The following PCSK5 variants were observed in gnomAD, a reference collection of about 807,000 sequenced individuals.
PCSK5 encodes proprotein convertase subtilisin/kexin type 5.
PCSK5 carries 129 observed loss-of-function variants against 233.2 expected under a neutral mutation model. The ratio of observed to expected loss-of-function variants is 0.55; its 90% CI spans 0.48 to 0.64. The LOEUF (loss-of-function observed/expected upper bound fraction) is 0.64. Among genes scored for constraint, PCSK5 ranks in the 30% least tolerant of loss-of-function variants. PCSK5 has a pLI of 0.00. For missense variants in PCSK5, 2,076 were observed against 2,430.1 expected, an observed-to-expected ratio of 0.85 and a Z score of 3.06; for synonymous variants, 825 against 879.2, an observed-to-expected ratio of 0.94 and a Z score of 1.09.
chr9:76,257,321 T>A (rs1358809221), intron 24 of PCSK5, among the ~76,000 whole-genome samples: 3 of 152,128 alleles, frequency 2.0e-5, no homozygotes. Flanking sequence ...TTGATTTAAG[T>A]CACAGAGCAG....
At chr9:76,079,075 T>A (rs1283333155) in intron 7 of PCSK5, among the ~76,000 whole-genome samples, 1 of 151,940 alleles carries the variant, frequency 6.6e-6, no homozygotes, top group East Asian at 1.9e-4. Context: ...ATTTATTATG[T>A]GTGTGTGGCT....
Position 76,013,719 on chromosome 9 carries a change from T to C in PCSK5, c.412-10019T>C, listed in dbSNP as rs1198715903. On this transcript the variant is annotated intron_variant, in intron 3 of 37. Coordinates refer to ENST00000674117, the MANE Select transcript of PCSK5 (RefSeq NM_001372043.1). ...AAGATATTGTATCAATATAACCTTGTGCTGCTTGATTTGTTCAACTGAAAA... is the reference window on the plus strand; with the variant it reads ...AAGATATTGTATCAATATAACCTTGCGCTGCTTGATTTGTTCAACTGAAAA... 2.0e-5 allele frequency among the ~76,000 whole-genome samples: 3 copies of C among 152,212 alleles called. No individual in the cohort carries two copies. In the East Asian group the frequency reaches 5.8e-4, roughly 29 times the overall value.
At chr9:76,310,313 G>A (rs1165619321) in intron 29 of PCSK5, among the ~76,000 whole-genome samples, 1 of 151,888 alleles carries the variant, frequency 6.6e-6, no homozygotes, top group Non-Finnish European at 1.5e-5. Flanking sequence ...GGGAAGCAGA[G>A]TATTAATAGA....
intron 5 of PCSK5, among the ~76,000 whole-genome samples, chr9:76,034,913 T>C (rs937970526): frequency 1.3e-5 from 2 of 152,170 alleles, no homozygotes; most frequent in Non-Finnish European, 1.5e-5. Flanking sequence ...GAATTGAAGT[T>C]GCTGACCGAT....
chr9:75,894,385 TA>T (rs900928318), intron 1 of PCSK5, among the ~76,000 whole-genome samples: 5 of 151,718 alleles, frequency 3.3e-5, no homozygotes, highest in African/African-American at 1.2e-4. Context: ...CCTCTTCTGT[TA>T]AAAAAAAGAT....
At chr9:76,356,938 C>T (rs1420672682) in intron 37 of PCSK5, among the ~76,000 whole-genome samples, 1 of 152,132 alleles carries the variant, frequency 6.6e-6, no homozygotes, top group Non-Finnish European at 1.5e-5. Context: ...TTATGAAAAA[C>T]CTACCGTGTA....
At chr9:76,261,620 G>C (rs1279028939) in intron 24 of PCSK5, among the ~76,000 whole-genome samples, 1 of 152,164 alleles carries the variant, frequency 6.6e-6, no homozygotes, top group Non-Finnish European at 1.5e-5. Flanking sequence ...AAAGAAATCA[G>C]ATTCTTCCTA....
chr9:76,246,791 C>T (rs1435216978), intron 24 of PCSK5, among the ~76,000 whole-genome samples: 3 of 152,206 alleles, frequency 2.0e-5, no homozygotes, highest in South Asian at 4.1e-4. Context: ...GATTTCATGA[C>T]ACACTGTTAC....
chr9:76,140,619 A>G (rs978498424), intron 10 of PCSK5, among the ~76,000 whole-genome samples: 26 of 152,114 alleles, frequency 1.7e-4, no homozygotes, highest in Non-Finnish European at 3.4e-4. Flanking sequence ...GGACTTTATA[A>G]TAAAATTATT....
At chr9:75,998,067 T>C (rs1215939523) in intron 3 of PCSK5, among the ~76,000 whole-genome samples, 2 of 152,200 alleles carry the variant, frequency 1.3e-5, no homozygotes, top group Non-Finnish European at 2.9e-5. Flanking sequence ...ATAGTCTCGT[T>C]GCATGGTGTC....
chr9:76,179,951 C>T (rs143141302), intron 15 of PCSK5, among the ~76,000 whole-genome samples: 7 of 150,306 alleles, frequency 4.7e-5, no homozygotes, highest in Admixed American at 4.6e-4. Flanking sequence ...TCTTCTCTCA[C>T]GTTTGGAGGA....
intron 14 of PCSK5, among the ~76,000 whole-genome samples, chr9:76,178,183 C>T (rs553412977): frequency 2.6e-5 from 4 of 152,122 alleles, no homozygotes; most frequent in Non-Finnish European, 4.4e-5. Flanking sequence ...CCCTGGTGTA[C>T]GATGGCAGAT....
chr9:76,166,839 C>T (rs1329609485), intron 12 of PCSK5, among the ~76,000 whole-genome samples: 1 of 152,208 alleles, frequency 6.6e-6, no homozygotes, highest in Non-Finnish European at 1.5e-5. Flanking sequence ...CCTTTAACAA[C>T]ATCTCTCTGT....
intron 7 of PCSK5, among the ~76,000 whole-genome samples, chr9:76,074,733 A>G (rs1361406441): frequency 6.6e-6 from 1 of 152,238 alleles, no homozygotes; most frequent in East Asian, 1.9e-4. Flanking sequence ...AAATGAGATG[A>G]TAATGCATAT....
chr9:76,181,343 C>A, intron 15 of PCSK5, 55 bp from the exon 16 acceptor site: 1 of 1,470,984 alleles, frequency 6.8e-7, no homozygotes, highest in Non-Finnish European at 9.3e-7. Context: ...CAAGAGAATG[C>A]TGGGGACTGG....
At chr9:76,089,832 G>T (rs1831213302) in intron 7 of PCSK5, among the ~76,000 whole-genome samples, 2 of 152,174 alleles carry the variant, frequency 1.3e-5, no homozygotes, top group Non-Finnish European at 2.9e-5. Flanking sequence ...TGGTAATCCA[G>T]CATAAAGTGG....
chr9:76,180,897 T>G (rs1464577261), intron 15 of PCSK5, among the ~76,000 whole-genome samples: 10 of 150,224 alleles, frequency 6.7e-5, no homozygotes, highest in South Asian at 4.2e-4. Flanking sequence ...CAAGGAAGTT[T>G]TTTTTTTTTT....
At chr9:75,921,548 T>C (rs1823260224) in intron 1 of PCSK5, among the ~76,000 whole-genome samples, 1 of 151,948 alleles carries the variant, frequency 6.6e-6, no homozygotes, top group South Asian at 2.1e-4. Context: ...TCAGCCTCTC[T>C]TGGGCTCTCT....
rs776792022 is a variant in PCSK5, at chr9:76,159,008, C to G, written c.1456C>G (p.Arg486Gly). The stretch of plus-strand genomic sequence containing the variant: ...GACAATCCGCCCTAACAGTGCAGTG[C>G]GCTCCATCTACAAAGCTTCAGGCTG... ...IKTIRPNSAVRSIYKASGCSD... is the reference protein window; with the variant it reads ...IKTIRPNSAVGSIYKASGCSD... Residue 486 changes from arginine to glycine, a missense_variant, in exon 12 of 38, where the codon CGC becomes GGC. Transcript: ENST00000674117. 3 of 1,614,080 alleles carry G rather than the reference C, an allele frequency of 1.9e-6. No individual in the cohort carries two copies.
Sources: gnomAD v4.1 joint callset for allele counts (sites outside exome capture counted in the v4.1 genomes callset) on GRCh38, gnomAD v4.1.1 for gene constraint, MANE v1.5 for transcripts, NCBI Gene and HGNC (gene_info 2026-07-23, HGNC 2026-07-21) for gene names.